The following CD55 variants were observed in gnomAD, a reference collection of about 807,000 sequenced individuals.
CD55 encodes the protein complement decay-accelerating factor.
CD55 carries 41 observed loss-of-function variants against 45.8 expected under a neutral mutation model. The observed-to-expected ratio is 0.90, with a 90% CI of 0.70 to 1.16. CD55 has a LOEUF of 1.16. Ranked by LOEUF, CD55 falls within the 50% of genes most tolerant of loss-of-function variation. The probability of loss-of-function intolerance (pLI) is 0.00; values close to 1 mark genes in which losing one functional copy is unlikely to be tolerated. For missense variants in CD55, 416 were observed against 469.8 expected (o/e 0.89, Z 1.06); for synonymous variants, 181 against 181.1 (o/e 1.00, Z 0.01).
At chr1:207,332,102 C>T (rs1217250607) in intron 6 of CD55, among the ~76,000 whole-genome samples, 4 of 151,912 alleles carry the variant, frequency 2.6e-5, no homozygotes, top group Non-Finnish European at 5.9e-5. Flanking sequence ...GAGATGAGTA[C>T]AAAATGGGAA....
intron 6 of CD55, among the ~76,000 whole-genome samples, chr1:207,332,812 T>C (rs1655008082): frequency 6.6e-6 from 1 of 152,132 alleles, no homozygotes; most frequent in Non-Finnish European, 1.5e-5. Flanking sequence ...GATACAGCTG[T>C]GGAAGCAACA....
chr1:207,330,323 T>C (rs1290393291), intron 5 of CD55, among the ~76,000 whole-genome samples: 1 of 132,788 alleles, frequency 7.5e-6, no homozygotes, highest in African/African-American at 2.6e-5. Context: ...TAAATTGCCT[T>C]CATTCTTAAA....
At chr1:207,339,310 G>C in intron 8 of CD55, 87 bp from the exon 9 acceptor site, 3 of 915,638 alleles carry the variant, frequency 3.3e-6, no homozygotes, top group Non-Finnish European at 5.3e-6. Context: ...TTCTAGTGTA[G>C]TTTATTGATA....
intron 8 of CD55, among the ~76,000 whole-genome samples, 197 bp from the exon 9 acceptor site, chr1:207,339,200 A>C (rs994905240): frequency 1.3e-5 from 2 of 150,246 alleles, no homozygotes; most frequent in African/African-American, 4.9e-5. Flanking sequence ...GAACAGGTAT[A>C]GACAGTAATG....
intron 9 of CD55, among the ~76,000 whole-genome samples, chr1:207,349,328 G>A (rs1317118387): frequency 6.6e-6 from 1 of 151,272 alleles, no homozygotes; most frequent in African/African-American, 2.4e-5. Context: ...GATTACAGGT[G>A]CACACCACCA....
intron 5 of CD55, among the ~76,000 whole-genome samples, chr1:207,327,882 A>G (rs896936414): frequency 2.6e-5 from 4 of 151,984 alleles, no homozygotes; most frequent in African/African-American, 9.7e-5. Context: ...TTCTCATTGT[A>G]GTTGTTTTTA....
chr1:207,350,522 T>G (rs1232093966), intron 9 of CD55, among the ~76,000 whole-genome samples: 1 of 152,206 alleles, frequency 6.6e-6, no homozygotes, highest in Non-Finnish European at 1.5e-5. Context: ...AATTACTGAT[T>G]CAATTTAAGA....
At chr1:207,350,047 G>T (rs1033369107) in intron 9 of CD55, 4 of 450,608 alleles carry the variant, frequency 8.9e-6, no homozygotes, top group African/African-American at 2.0e-5. Context: ...TGCCTAGTTT[G>T]TTGATGACTT....
At position 207,322,394 on chromosome 1, in the gene CD55, T is replaced by C; in HGVS notation, c.113T>C (p.Leu38Pro). The change falls in exon 2 of 10, where the codon CTT (leucine) becomes CCT (proline). Residue 38 changes from leucine (L) to proline (P), a missense_variant. Physicochemically the swap from Leu to Pro is moderately conservative, Grantham distance 98 (BLOSUM62 -3). Around this residue, in one of 3 missense-constraint regions of CD55, gnomAD observed 123 missense variants for 105.1 expected, o/e 1.17. Transcript: ENST00000367064. ...TTTGTCTCCCTAGGTGACTGTGGCC[T>C]TCCCCCAGATGTACCTAATGCCCAG... is the stretch of plus-strand genomic sequence containing the variant. ...CLPAVWGDCG[L>P]PPDVPNAQPA... is the part of the protein sequence containing the mutation. 6.2e-7 allele frequency: 1 copy of C among 1,613,678 alleles called. No individual in the cohort carries two copies. The highest frequency in any genetic ancestry group is 1.1e-5 in the South Asian group (1 of 91,064).
intron 9 of CD55, 30 bp from the exon 10 acceptor site, chr1:207,359,516 C>CTTTTTTTTTTTTATTTT: frequency 7.8e-7 from 1 of 1,283,774 alleles, no homozygotes. Flanking sequence ...TTGATTTTAA[C>CTTTTTTTTTTTTATTTT]TTTTTTTTTT....
chr1:207,340,636 C>T (rs191171554), intron 9 of CD55: 223 of 661,340 alleles, frequency 3.4e-4, no homozygotes, highest in African/African-American at 1.8e-3. Context: ...CAAAACGTTG[C>T]GATTATAAGT....
At chr1:207,340,367 ATTTTTATTTTTT>A (rs985469474) in intron 9 of CD55, 10 of 440,318 alleles carry the variant, frequency 2.3e-5, no homozygotes, top group Non-Finnish European at 3.6e-5. Flanking sequence ...TCTTTTTTTT[ATTTTTATTTTTT>A]TTTTGAGACA....
In CD55 at chr1:207,326,742, G is replaced by A. The variant is rs1294048085; in HGVS notation, c.579-10G>A. The A allele has an allele frequency of 6.8e-6, 11 of 1,607,154 alleles. No homozygotes were observed. In the African/African-American group the frequency reaches 1.1e-4, roughly 16 times the overall value. On this transcript the variant is annotated splice_polypyrimidine_tract_variant and intron_variant, in intron 4 of 9. Transcript: ENST00000367064. ...GTAACAAACTCTTTTTTCTTCCCCTGTTGCTTTAGGTACAAATTATTTGGC... is the reference window on the plus strand; with the variant it reads ...GTAACAAACTCTTTTTTCTTCCCCTATTGCTTTAGGTACAAATTATTTGGC...
chr1:207,353,016 G>T (rs991887867), intron 9 of CD55, among the ~76,000 whole-genome samples: 4 of 143,206 alleles, frequency 2.8e-5, no homozygotes, highest in African/African-American at 1.0e-4. Context: ...AATAGAGGCC[G>T]ATGACTAGTT....
Position 207,321,871 on chromosome 1 carries a change from T to C in CD55, c.100+6T>C. The C allele has an allele frequency of 6.6e-7, 1 of 1,515,804 alleles. No individual in the cohort carries two copies. The highest frequency in any genetic ancestry group is 1.4e-5 in the African/African-American group (1 of 71,666). The allele number at this position is 1,515,804 out of a possible 1,614,324, so 93.9% of individuals were successfully genotyped here. On this transcript the variant is annotated splice_donor_region_variant and intron_variant, in intron 1 of 9. Transcript: ENST00000367064. ...GTGCCTGCCGGCCGTGTGGGGTGAG[T>C]AGGGGCCCGGCGGCCGGGGAAGCCC...
In CD55 at chr1:207,339,606, T is replaced by TAC. The variant is rs1176318980; in HGVS notation, c.1081+190_1081+191dup. Among the ~76,000 whole-genome samples, 5 of 152,312 alleles carry TAC rather than the reference T, an allele frequency of 3.3e-5. No individual in the cohort carries two copies. The East Asian group carries it at 9.6e-4, about 29-fold the overall frequency. On this transcript the variant is annotated intron_variant, in intron 9 of 9. Coordinates refer to ENST00000367064, the MANE Select transcript of CD55 (RefSeq NM_000574.5). Reference sequence around the variant, plus strand: ...GAAAATAGTACAGTGAATCCTCATATACTCGCTCGGATTCAGCAATTTTCA... The same window carrying TAC: ...GAAAATAGTACAGTGAATCCTCATATACACTCGCTCGGATTCAGCAATTTTCA...
intron 9 of CD55, among the ~76,000 whole-genome samples, chr1:207,350,871 AT>A (rs1271379865): frequency 2.0e-5 from 3 of 150,568 alleles, no homozygotes; most frequent in Non-Finnish European, 3.0e-5. Flanking sequence ...GATTTTGGTT[AT>A]TTTTTTTCTT....
chr1:207,333,670 A>T (rs1450376907), intron 6 of CD55, among the ~76,000 whole-genome samples: 2 of 152,188 alleles, frequency 1.3e-5, no homozygotes, highest in Non-Finnish European at 2.9e-5. Flanking sequence ...AGATGATAAA[A>T]GAAAAGAGAA....
At chr1:207,322,100 C>T (rs1322930485) in intron 1 of CD55, 1 of 622,546 alleles carries the variant, frequency 1.6e-6, no homozygotes, top group Non-Finnish European at 2.9e-6. Context: ...TTAAAGAGGC[C>T]CCGGCTGGGT....
Sources: allele counts gnomAD v4.1 joint callset (sites outside exome capture counted in the v4.1 genomes callset), GRCh38; gene constraint gnomAD v4.1.1; regional missense constraint gnomAD v4.1.1; transcripts MANE v1.5; gene names NCBI Gene and HGNC (gene_info 2026-07-23, HGNC 2026-07-21).